The following FIRRM variants were observed in gnomAD, a reference collection of about 807,000 sequenced individuals.
The protein encoded by FIRRM is FIGNL1 interacting regulator of recombination and mitosis.
the FIRRM span, chr1:169,830,774 A>T: frequency 6.2e-7 from 1 of 1,603,462 alleles, no homozygotes; most frequent in Non-Finnish European, 8.5e-7. Context: ...GGCCTAAAAC[A>T]CCCACTTTCT....
the FIRRM span, among the ~76,000 whole-genome samples, chr1:169,844,365 A>G: frequency 6.6e-6 from 1 of 152,210 alleles, no homozygotes; most frequent in Non-Finnish European, 1.5e-5. Context: ...GAAGTGATTT[A>G]GAGGCTTTGG....
chr1:169,785,649 T>C, the FIRRM span, among the ~76,000 whole-genome samples: 1 of 152,230 alleles, frequency 6.6e-6, no homozygotes, highest in African/African-American at 2.4e-5. Context: ...TCTGCCTGTC[T>C]CTCTCTGGAG....
the FIRRM span, chr1:169,853,612 G>A: frequency 8.0e-7 from 1 of 1,252,078 alleles, no homozygotes; most frequent in Non-Finnish European, 1.1e-6. Flanking sequence ...GGGAAAAGCA[G>A]GCCACTTTGG....
At chr1:169,847,117 G>A in the FIRRM span, among the ~76,000 whole-genome samples, 3 of 151,942 alleles carry the variant, frequency 2.0e-5, no homozygotes, top group Non-Finnish European at 2.9e-5. Flanking sequence ...TCTTATAGGG[G>A]CACAGTTTGT....
At chr1:169,805,646 C>G in the FIRRM span, among the ~76,000 whole-genome samples, 1 of 152,064 alleles carries the variant, frequency 6.6e-6, no homozygotes, top group Non-Finnish European at 1.5e-5. Flanking sequence ...TGAATTCTTC[C>G]TTTTTAGATT....
the FIRRM span, among the ~76,000 whole-genome samples, chr1:169,836,398 G>A: frequency 7.2e-5 from 11 of 152,176 alleles, no homozygotes; most frequent in East Asian, 2.1e-3. Flanking sequence ...CGCTCTTTTT[G>A]ATTTGTGGCT....
At chr1:169,830,276 T>C in the FIRRM span, 1 of 1,613,488 alleles carries the variant, frequency 6.2e-7, no homozygotes, top group Non-Finnish European at 8.5e-7. Flanking sequence ...CTCTGCTGAA[T>C]GCTGTACTTA....
the FIRRM span, among the ~76,000 whole-genome samples, chr1:169,833,871 T>TTTA: frequency 2.0e-5 from 2 of 100,496 alleles, no homozygotes; most frequent in Non-Finnish European, 4.2e-5. Flanking sequence ...TTTTTTTTTT[T>TTTA]AAATAGAGAC....
the FIRRM span, among the ~76,000 whole-genome samples, chr1:169,825,029 T>C: frequency 6.6e-6 from 1 of 152,212 alleles, no homozygotes. Flanking sequence ...GTTCTTCAAA[T>C]TGATCAGGCC....
the FIRRM span, among the ~76,000 whole-genome samples, chr1:169,844,099 A>G: frequency 1.3e-5 from 2 of 152,224 alleles, no homozygotes; most frequent in African/African-American, 2.4e-5. Flanking sequence ...AGCAGTTTCA[A>G]AAGCATTTCA....
the FIRRM span, chr1:169,830,667 A>G: frequency 1.3e-4 from 205 of 1,603,630 alleles, 1 homozygote; most frequent in South Asian, 2.1e-3. Context: ...AATTGTATAA[A>G]CATAGTTGTC....
chr1:169,825,578 T>C, the FIRRM span, among the ~76,000 whole-genome samples: 7 of 152,236 alleles, frequency 4.6e-5, no homozygotes, highest in Non-Finnish European at 7.3e-5. Flanking sequence ...TGATGCTCAG[T>C]AGATGTAATT....
chr1:169,839,611 G>T, the FIRRM span, among the ~76,000 whole-genome samples: 1 of 152,072 alleles, frequency 6.6e-6, no homozygotes, highest in African/African-American at 2.4e-5. Context: ...ACTTGTTCAG[G>T]TGTTTAAGTT....
chr1:169,815,956 G>T, the FIRRM span, among the ~76,000 whole-genome samples: 3 of 152,104 alleles, frequency 2.0e-5, no homozygotes, highest in Non-Finnish European at 4.4e-5. Context: ...TCTTATATTT[G>T]GGGTAGAGAG....
chr1:169,789,242 T>C, the FIRRM span, among the ~76,000 whole-genome samples: 30 of 152,184 alleles, frequency 2.0e-4, no homozygotes, highest in Non-Finnish European at 3.7e-4. Context: ...GAGTCAGAGT[T>C]TCCTTGCTAT....
the FIRRM span, chr1:169,806,067 A>G: frequency 8.4e-5 from 134 of 1,595,528 alleles, no homozygotes; most frequent in African/African-American, 1.3e-3. Flanking sequence ...TTTCATGCCA[A>G]TACTTGGAAG....
chr1:169,843,131 A>T, the FIRRM span, among the ~76,000 whole-genome samples: 9 of 152,230 alleles, frequency 5.9e-5, no homozygotes, highest in African/African-American at 1.7e-4. Context: ...CAACAGCCAT[A>T]CTTTTGGGAA....
the FIRRM span, among the ~76,000 whole-genome samples, chr1:169,787,573 T>C: frequency 6.6e-6 from 1 of 152,196 alleles, no homozygotes; most frequent in African/African-American, 2.4e-5. Context: ...CACTTGCCCA[T>C]ACTCTGCAGT....
the FIRRM span, among the ~76,000 whole-genome samples, chr1:169,821,343 G>A: frequency 1.3e-5 from 2 of 151,860 alleles, no homozygotes; most frequent in Admixed American, 6.6e-5. Context: ...TTGACCATCC[G>A]TTAAATTGAT....
Sources: gnomAD v4.1 joint callset for allele counts (sites outside exome capture counted in the v4.1 genomes callset) on GRCh38, gnomAD v4.1.1 for gene constraint, MANE v1.5 for transcripts, NCBI Gene and HGNC (gene_info 2026-07-23, HGNC 2026-07-21) for gene names.